ZCWPW2: variants seen among roughly 807,000 people sequenced by gnomAD.
ZCWPW2 encodes the protein zinc finger CW-type PWWP domain protein 2.
Under a neutral mutation model 46.6 loss-of-function variants are expected in ZCWPW2, and 45 were observed. The observed-to-expected ratio is 0.96, with a 90% CI of 0.76 to 1.24. The LOEUF is 1.24. ZCWPW2 is among the 50% of genes most tolerant of loss of function. ZCWPW2 has a pLI of 0.00. For missense variants in ZCWPW2, 429 were observed against 403.9 expected, an observed-to-expected ratio of 1.06 and a Z score of -0.53; for synonymous variants, 152 against 137.1, an observed-to-expected ratio of 1.11 and a Z score of -0.76.
At chr3:28,362,827 G>C (rs1288089709) in intron 1 of ZCWPW2, among the ~76,000 whole-genome samples, 4 of 152,048 alleles carry the variant, frequency 2.6e-5, no homozygotes, top group African/African-American at 9.7e-5. Flanking sequence ...CCCATAAGTA[G>C]TAGTATGGAT....
At chr3:28,396,803 T>C (rs962970814) in intron 2 of ZCWPW2, among the ~76,000 whole-genome samples, 1 of 152,196 alleles carries the variant, frequency 6.6e-6, no homozygotes, top group African/African-American at 2.4e-5. Flanking sequence ...TCATTACTAT[T>C]CCATATGTAT....
chr3:28,375,595 G>A (rs1436103325), intron 1 of ZCWPW2, among the ~76,000 whole-genome samples: 7 of 152,054 alleles, frequency 4.6e-5, no homozygotes, highest in African/African-American at 1.7e-4. Flanking sequence ...ATACCATGGA[G>A]AATGGGGTAT....
intron 2 of ZCWPW2, among the ~76,000 whole-genome samples, chr3:28,401,729 C>G (rs1208292353): frequency 1.3e-5 from 2 of 152,090 alleles, no homozygotes; most frequent in Non-Finnish European, 2.9e-5. Context: ...ATATCAGGCA[C>G]TCTTTCAGAC....
intron 2 of ZCWPW2, among the ~76,000 whole-genome samples, chr3:28,402,800 C>A (rs1696001064): frequency 6.6e-6 from 1 of 152,120 alleles, no homozygotes; most frequent in South Asian, 2.1e-4. Context: ...AGAAAAATCA[C>A]ATGATTATCT....
chr3:28,401,812 T>A (rs1429862176), intron 2 of ZCWPW2, among the ~76,000 whole-genome samples: 2 of 152,022 alleles, frequency 1.3e-5, no homozygotes, highest in Non-Finnish European at 2.9e-5. Flanking sequence ...AATAACCTGC[T>A]CCTGAATGAT....
chr3:28,467,731 ACT>A (rs1698879389), intron 4 of ZCWPW2, among the ~76,000 whole-genome samples: 1 of 152,020 alleles, frequency 6.6e-6, no homozygotes, highest in Non-Finnish European at 1.5e-5. Context: ...CTTATCCAAC[ACT>A]CTATGAGTCT....
intron 5 of ZCWPW2, among the ~76,000 whole-genome samples, chr3:28,486,038 A>T (rs1699590230): frequency 6.6e-6 from 1 of 151,604 alleles, no homozygotes; most frequent in African/African-American, 2.4e-5. Flanking sequence ...TGTGATTTTG[A>T]GATTTTAAAT....
At chr3:28,429,483 A>G (rs1697155523) in intron 3 of ZCWPW2, among the ~76,000 whole-genome samples, 1 of 152,236 alleles carries the variant, frequency 6.6e-6, no homozygotes, top group Non-Finnish European at 1.5e-5. Context: ...AGGGAAGTAG[A>G]GCATAAAAGT....
At chr3:28,490,351 C>G (rs1191660543) in intron 5 of ZCWPW2, among the ~76,000 whole-genome samples, 5 of 152,038 alleles carry the variant, frequency 3.3e-5, no homozygotes, top group African/African-American at 4.8e-5. Flanking sequence ...ATCATTCTAC[C>G]ATGAAGATAC....
chr3:28,497,583 C>G (rs1177351357), intron 6 of ZCWPW2, among the ~76,000 whole-genome samples: 1 of 151,890 alleles, frequency 6.6e-6, no homozygotes, highest in Non-Finnish European at 1.5e-5. Flanking sequence ...CAAAGCTACT[C>G]ACAGTGTTTC....
intron 3 of ZCWPW2, among the ~76,000 whole-genome samples, chr3:28,416,774 C>T (rs1224104509): frequency 3.5e-5 from 3 of 86,640 alleles, no homozygotes; most frequent in Admixed American, 1.4e-4. Flanking sequence ...TTGAGATAAT[C>T]ATGTGGTTTC....
At chr3:28,402,626 G>A (rs975040546) in intron 2 of ZCWPW2, among the ~76,000 whole-genome samples, 8 of 152,194 alleles carry the variant, frequency 5.3e-5, no homozygotes, top group African/African-American at 9.6e-5. Context: ...ACCGATATTC[G>A]TGATGAACAT....
At chr3:28,356,845 G>T (rs554301884) in intron 1 of ZCWPW2, among the ~76,000 whole-genome samples, 2 of 152,092 alleles carry the variant, frequency 1.3e-5, no homozygotes, top group South Asian at 4.2e-4. Context: ...TACACACCAG[G>T]GCCTGTCGTG....
At chr3:28,401,389 A>C (rs1031056596) in intron 2 of ZCWPW2, among the ~76,000 whole-genome samples, 3 of 152,242 alleles carry the variant, frequency 2.0e-5, no homozygotes, top group Middle Eastern at 3.4e-3. Context: ...CACCTAACAC[A>C]TGAAGACTCA....
chr3:28,387,519 G>A (rs866118423), intron 1 of ZCWPW2, among the ~76,000 whole-genome samples: 2 of 152,094 alleles, frequency 1.3e-5, no homozygotes, highest in South Asian at 2.1e-4. Context: ...CAGAGTTACA[G>A]AAAAGCTGCA....
intron 1 of ZCWPW2, among the ~76,000 whole-genome samples, chr3:28,351,010 G>A (rs565915359): frequency 6.6e-6 from 1 of 151,722 alleles, no homozygotes; most frequent in East Asian, 1.9e-4. Context: ...TCCCAAGAGG[G>A]AGTTGTGAAT....
At chr3:28,484,593 T>C (rs1002461183) in intron 5 of ZCWPW2, among the ~76,000 whole-genome samples, 2 of 152,214 alleles carry the variant, frequency 1.3e-5, no homozygotes, top group East Asian at 3.8e-4. Context: ...CTTTATTTTC[T>C]TTTAATGTCC....
intron 6 of ZCWPW2, 82 bp downstream of exon 6, chr3:28,492,255 A>G: frequency 7.9e-7 from 1 of 1,266,706 alleles, no homozygotes; most frequent in Non-Finnish European, 1.1e-6. Context: ...TATATTATTT[A>G]AAAACAAACA....
chr3:28,413,075 A>G lies in ZCWPW2; in HGVS notation c.7A>G (p.Lys3Glu), dbSNP rs1449134040. MD[K>E]EKLDVKIEYC... ...TTCCAGATTAAATGCCTTAATGGAT[A>G]AAGAAAAATTGGATGTTAAGATTGA... Residue 3 changes from lysine to glutamate, a missense_variant, in exon 3 of 10, where the codon AAA (lysine) becomes GAA (glutamate). Coordinates refer to ENST00000383768, the MANE Select transcript of ZCWPW2 (RefSeq NM_001040432.4). 1 of 1,607,224 alleles carries G rather than the reference A, an allele frequency of 6.2e-7. No homozygotes were observed. The highest frequency in any genetic ancestry group is 2.2e-5 in the East Asian group (1 of 44,756).
Sources: gnomAD v4.1 joint callset for allele counts (sites outside exome capture counted in the v4.1 genomes callset) on GRCh38, gnomAD v4.1.1 for gene constraint, MANE v1.5 for transcripts, NCBI Gene and HGNC (gene_info 2026-07-23, HGNC 2026-07-21) for gene names.